Variants in CTSO observed in about 807,000 individuals in gnomAD.
CTSO encodes cathepsin O.
In CTSO, 40 loss-of-function variants were observed where a neutral mutation model predicts 42.4. The ratio of observed to expected loss-of-function variants is 0.94; its 90% confidence interval spans 0.73 to 1.23. CTSO has a LOEUF of 1.23. Among genes scored for constraint, CTSO ranks in the 50% most tolerant of loss-of-function variants. The probability of loss-of-function intolerance (pLI) is 0.00; values close to 1 mark genes in which losing one functional copy is unlikely to be tolerated. For synonymous variants in CTSO, 156 were observed against 146.2 expected, an observed-to-expected ratio of 1.07 and a Z score of -0.48; for missense variants, 441 against 396.0, an observed-to-expected ratio of 1.11 and a Z score of -0.96.
At chr4:155,938,501 A>G (rs1352257000) in intron 4 of CTSO, among the ~76,000 whole-genome samples, 1 of 152,190 alleles carries the variant, frequency 6.6e-6, no homozygotes, top group Non-Finnish European at 1.5e-5. Flanking sequence ...AAGTGCTAAG[A>G]ACGCTGAGGG....
At chr4:155,938,486 A>G (rs979280502) in intron 4 of CTSO, among the ~76,000 whole-genome samples, 1 of 152,194 alleles carries the variant, frequency 6.6e-6, no homozygotes, top group Non-Finnish European at 1.5e-5. Context: ...GGACACTGTC[A>G]GGGCAAGTGC....
Position 155,926,017 on chromosome 4 carries a change from T to C in CTSO, c.*19A>G, listed in dbSNP as rs1198029652. 1 of 1,601,318 alleles carries C rather than the reference T, an allele frequency of 6.2e-7. No individual in the cohort carries two copies. The highest frequency in any genetic ancestry group is 2.2e-5 in the East Asian group (1 of 44,496). ...GAAAACCTTCATTTTTGTAGCTGTC[T>C]CTTGATCTGCCCAACATGTCACACA... is the stretch of plus-strand genomic sequence containing the variant. On this transcript the variant is annotated 3_prime_UTR_variant, in exon 8 of 8. Coordinates refer to ENST00000433477, the MANE Select transcript of CTSO (RefSeq NM_001334.3).
At chr4:155,934,437 C>T (rs768220172) in intron 5 of CTSO, among the ~76,000 whole-genome samples, 4 of 152,118 alleles carry the variant, frequency 2.6e-5, no homozygotes, top group Admixed American at 6.5e-5. Context: ...ACAGGAGCTG[C>T]GAGAAGAGGG....
chr4:155,925,733 C>T lies in CTSO; in HGVS notation c.*303G>A, dbSNP rs1263934957. On this transcript the variant is annotated 3_prime_UTR_variant, in exon 8 of 8. Transcript: ENST00000433477. Reference sequence around the variant, plus strand: ...TAAATAATAAGCAAACAAAAACAAACAGTAGCCTTCCCCAGTTGCAGGGGC... The same window carrying T: ...TAAATAATAAGCAAACAAAAACAAATAGTAGCCTTCCCCAGTTGCAGGGGC... The T allele has an allele frequency of 8.4e-6, 3 of 358,898 alleles. No individual in the cohort carries two copies. The highest frequency in any genetic ancestry group is 9.7e-5 in the Admixed American group (2 of 20,716). The allele number at this position is 358,898 out of a possible 1,614,324, so 22.2% of individuals were successfully genotyped here.
chr4:155,927,165 A>G (rs545327253), intron 7 of CTSO, among the ~76,000 whole-genome samples: 49 of 152,324 alleles, frequency 3.2e-4, no homozygotes, highest in African/African-American at 1.0e-3. Flanking sequence ...ATGAACTCTC[A>G]TGGATTCTGC....
At chr4:155,950,584 A>C (rs28735768) in intron 1 of CTSO, among the ~76,000 whole-genome samples, 17,722 of 152,136 alleles carry the variant, frequency 0.12, 1,198 homozygotes, top group Middle Eastern at 0.25. Context: ...GGAGTCTCAA[A>C]ACCCTGGGCC....
intron 5 of CTSO, among the ~76,000 whole-genome samples, chr4:155,936,579 T>C (rs1743335374): frequency 1.3e-5 from 2 of 152,204 alleles, no homozygotes; most frequent in Non-Finnish European, 2.9e-5. Flanking sequence ...TTTGTCCTTT[T>C]CACCCATGAA....
chr4:155,943,074 G>T (rs1204222856), intron 2 of CTSO, 82 bp downstream of exon 2: 5 of 833,614 alleles, frequency 6.0e-6, no homozygotes, highest in Admixed American at 2.2e-5. Context: ...CAATATATTA[G>T]ATTTACAATG....
chr4:155,939,405 C>T lies in CTSO; in HGVS notation c.518G>A (p.Gly173Asp). The change falls in exon 4 of 8, where the codon GGC becomes GAC. Residue 173 changes from glycine to aspartate, a missense_variant. Coordinates refer to ENST00000433477, the MANE Select transcript of CTSO (RefSeq NM_001334.3). ...CCAGTTCAAAGCATTGAGAGTAGAG[C>T]CTCCATTGCAGCCATAATTATTATA... Reference protein sequence around the residue: ...CSYNNYGCNGGSTLNALNWLN... With the variant: ...CSYNNYGCNGDSTLNALNWLN... 5 of 1,613,936 alleles carry T rather than the reference C, an allele frequency of 3.1e-6. No individual in the cohort carries two copies. The highest frequency in any genetic ancestry group is 1.7e-5 in the Admixed American group (1 of 60,016).
At chr4:155,952,515 G>C (rs2110942439) in intron 1 of CTSO, among the ~76,000 whole-genome samples, 1 of 152,338 alleles carries the variant, frequency 6.6e-6, no homozygotes, top group East Asian at 1.9e-4. Context: ...CGTTTACCAG[G>C]AAAACGAACG....
chr4:155,946,096 G>A (rs1471140757), intron 1 of CTSO, among the ~76,000 whole-genome samples: 1 of 152,140 alleles, frequency 6.6e-6, no homozygotes, highest in African/African-American at 2.4e-5. Flanking sequence ...ACGTGTGTCT[G>A]GGAGGGGAGG....
At chr4:155,928,666 G>A (rs978683567) in intron 6 of CTSO, among the ~76,000 whole-genome samples, 4 of 152,018 alleles carry the variant, frequency 2.6e-5, no homozygotes, top group Admixed American at 2.0e-4. Flanking sequence ...TTTATACAGG[G>A]ACTGCATAAA....
In CTSO at chr4:155,940,627, G is replaced by A. The variant is rs183311435; in HGVS notation, c.385-1089C>T. Among the ~76,000 whole-genome samples the A allele has an allele frequency of 5.2e-3, 794 of 152,232 alleles. 6 individuals are homozygous for A. The highest frequency in any genetic ancestry group is 0.018 in the African/African-American group (767 of 41,510). On this transcript the variant is annotated intron_variant, in intron 3 of 7. Transcript: ENST00000433477. ...TGGGAGGCCAAGGCAGGCGGATCAT[G>A]AGGTCAGGAGTTCAAGACCAGCCTG...
chr4:155,940,916 C>CAGT (rs1034239482), intron 3 of CTSO, among the ~76,000 whole-genome samples: 1 of 124,596 alleles, frequency 8.0e-6, no homozygotes, highest in African/African-American at 2.7e-5. Flanking sequence ...GCCACAAGGG[C>CAGT]AGTTCCTGCT....
chr4:155,934,632 T>G (rs571674457), intron 5 of CTSO, among the ~76,000 whole-genome samples: 1 of 152,216 alleles, frequency 6.6e-6, no homozygotes. Flanking sequence ...ATGACTTGGA[T>G]GTGAGATCTG....
At chr4:155,951,203 T>C (rs1053388093) in intron 1 of CTSO, among the ~76,000 whole-genome samples, 1 of 152,216 alleles carries the variant, frequency 6.6e-6, no homozygotes, top group African/African-American at 2.4e-5. Flanking sequence ...TTGGCATAGA[T>C]ATTATTCTAA....
intron 3 of CTSO, among the ~76,000 whole-genome samples, chr4:155,940,952 C>T (rs11100024): frequency 0.37 from 55,381 of 150,700 alleles, 11,307 homozygotes; most frequent in East Asian, 0.71. Flanking sequence ...GTCTCTCATA[C>T]ATTCCTTTAA....
At chr4:155,928,083 C>T (rs1246956457) in intron 7 of CTSO, among the ~76,000 whole-genome samples, 1 of 151,912 alleles carries the variant, frequency 6.6e-6, no homozygotes, top group Non-Finnish European at 1.5e-5. Context: ...AGCAATTAAC[C>T]TTGGTAAATT....
At chr4:155,930,341 A>G (rs1225173663) in intron 5 of CTSO, among the ~76,000 whole-genome samples, 4 of 152,254 alleles carry the variant, frequency 2.6e-5, no homozygotes, top group African/African-American at 7.2e-5. Context: ...ATATAATTAT[A>G]CAATAGAAGC....
Sources: gnomAD v4.1 joint callset for allele counts (sites outside exome capture counted in the v4.1 genomes callset) on GRCh38, gnomAD v4.1.1 for gene constraint, MANE v1.5 for transcripts, NCBI Gene and HGNC (gene_info 2026-07-23, HGNC 2026-07-21) for gene names.